PRDM5: variants seen among roughly 807,000 people sequenced by gnomAD.
The protein encoded by PRDM5 is PR domain zinc finger protein 5.
In PRDM5, 56 loss-of-function variants were observed where a neutral mutation model predicts 81.2. The ratio of observed to expected loss-of-function variants is 0.69; its 90% CI spans 0.56 to 0.86. The LOEUF (loss-of-function observed/expected upper bound fraction) is 0.86. PRDM5 is among the 40% of genes least tolerant of loss of function. The pLI, the probability that PRDM5 is intolerant of heterozygous loss-of-function variation, is 0.00. For missense variants in PRDM5, 697 were observed against 770.1 expected (o/e 0.91, Z 1.12); for synonymous variants, 267 against 256.4 (o/e 1.04, Z -0.39).
rs76799793 is a variant in PRDM5, at chr4:120,873,012, A to T, written c.178-19472T>A. ...GTGTTTTTACCATATTTTTTATTTTATTTTTTTGAGACAGAGTCTTACTCC... is the reference window on the plus strand; with the variant it reads ...GTGTTTTTACCATATTTTTTATTTTTTTTTTTTGAGACAGAGTCTTACTCC... On this transcript the variant is annotated intron_variant, in intron 2 of 15. Transcript: ENST00000264808. 5.1e-4 allele frequency among the ~76,000 whole-genome samples: 38 copies of T among 73,830 alleles called. No individual in the cohort carries two copies. In the East Asian group the frequency reaches 6.4e-3, roughly 12 times the overall value. The allele number at this position is 73,830 out of a possible 152,430, so 48.4% of individuals were successfully genotyped here.
Position 120,695,160 on chromosome 4 carries a change from T to A in PRDM5, c.1844A>T (p.Asp615Val), listed in dbSNP as rs960171755. The stretch of plus-strand genomic sequence containing the variant: ...ATTGTCCATGTGCACTTTGAGGTAG[T>A]CATTCCTTGTAAACTTCTTATGGCA... ...QFCHKKFTRN[D>V]YLKVHMDNIH... Residue 615 changes from aspartate (D) to valine (V), a missense_variant, in exon 16 of 16, where the codon GAC (aspartate) becomes GTC (valine). Physicochemically the swap from Asp to Val is radical, Grantham distance 152. This residue lies in a region of PRDM5 where 34 missense variants were observed against 28.1 expected (regional missense o/e 1.21). Transcript: ENST00000264808. 6.2e-7 allele frequency: 1 copy of A among 1,613,540 alleles called. No homozygotes were observed. The highest frequency in any genetic ancestry group is 1.3e-5 in the African/African-American group (1 of 75,000).
At chr4:120,904,929 A>G (rs187939050) in intron 2 of PRDM5, among the ~76,000 whole-genome samples, 2 of 152,220 alleles carry the variant, frequency 1.3e-5, no homozygotes, top group South Asian at 2.1e-4. Context: ...AAAAGAAAAA[A>G]CCTGTTAAAA....
intron 1 of PRDM5, among the ~76,000 whole-genome samples, chr4:120,919,843 A>T (rs1172613894): frequency 1.3e-5 from 2 of 152,152 alleles, no homozygotes; most frequent in African/African-American, 2.4e-5. Flanking sequence ...ATTATTAGCA[A>T]ATCACAATGT....
At chr4:120,819,998 A>G (rs1367024356) in intron 4 of PRDM5, among the ~76,000 whole-genome samples, 1 of 152,246 alleles carries the variant, frequency 6.6e-6, no homozygotes, top group Non-Finnish European at 1.5e-5. Context: ...GACTAATGAA[A>G]CCAGTATCAC....
chr4:120,826,347 C>T (rs1755977249), intron 3 of PRDM5, among the ~76,000 whole-genome samples: 1 of 152,146 alleles, frequency 6.6e-6, no homozygotes, highest in Non-Finnish European at 1.5e-5. Context: ...TTTCATCCTC[C>T]TTCAAGAAAC....
At chr4:120,886,770 T>G (rs1398264001) in intron 2 of PRDM5, among the ~76,000 whole-genome samples, 1 of 152,114 alleles carries the variant, frequency 6.6e-6, no homozygotes, top group African/African-American at 2.4e-5. Flanking sequence ...GTAAAGATAA[T>G]AATAAGGTAA....
chr4:120,696,978 C>T (rs528051523), intron 15 of PRDM5, among the ~76,000 whole-genome samples: 1 of 152,164 alleles, frequency 6.6e-6, no homozygotes, highest in East Asian at 1.9e-4. Context: ...CAAAACAAAG[C>T]CAAGTCCATG....
At chr4:120,857,939 C>T (rs891765480) in intron 2 of PRDM5, among the ~76,000 whole-genome samples, 6 of 152,070 alleles carry the variant, frequency 3.9e-5, no homozygotes, top group Non-Finnish European at 8.8e-5. Context: ...ATATACATTC[C>T]ATCAAGGCTC....
chr4:120,780,988 G>A (rs999625712), intron 12 of PRDM5, among the ~76,000 whole-genome samples, 155 bp downstream of exon 12: 1 of 152,106 alleles, frequency 6.6e-6, no homozygotes, highest in African/African-American at 2.4e-5. Flanking sequence ...TGAAGAAAGT[G>A]AACATTGTCT....
At chr4:120,786,652 G>A (rs957770916) in intron 10 of PRDM5, among the ~76,000 whole-genome samples, 4 of 152,068 alleles carry the variant, frequency 2.6e-5, no homozygotes, top group Non-Finnish European at 4.4e-5. Context: ...AAGAAAATCC[G>A]AGTAAATTTT....
chr4:120,789,297 T>G (rs931907082), intron 10 of PRDM5, among the ~76,000 whole-genome samples: 2 of 152,194 alleles, frequency 1.3e-5, no homozygotes, highest in African/African-American at 4.8e-5. Context: ...TCTGGCGTAA[T>G]GTACATTAAT....
At chr4:120,886,777 G>A (rs1763480310) in intron 2 of PRDM5, among the ~76,000 whole-genome samples, 1 of 151,990 alleles carries the variant, frequency 6.6e-6, no homozygotes, top group Non-Finnish European at 1.5e-5. Flanking sequence ...TAATAATAAG[G>A]TAATAAAAAG....
intron 10 of PRDM5, among the ~76,000 whole-genome samples, chr4:120,788,970 G>T (rs1374992101): frequency 3.3e-5 from 5 of 152,186 alleles, no homozygotes; most frequent in African/African-American, 4.8e-5. Flanking sequence ...TATTTTACAA[G>T]TATCAGATGA....
At chr4:120,859,811 A>G (rs1443381482) in intron 2 of PRDM5, among the ~76,000 whole-genome samples, 1 of 152,146 alleles carries the variant, frequency 6.6e-6, no homozygotes. Context: ...TGAAGGCAAG[A>G]ATCCCTCCCT....
intron 14 of PRDM5, among the ~76,000 whole-genome samples, chr4:120,728,666 C>G (rs566045200): frequency 6.6e-6 from 1 of 152,054 alleles, no homozygotes; most frequent in Admixed American, 6.6e-5. Context: ...CAACATCTAC[C>G]CCGCCCCCTG....
In PRDM5 at chr4:120,738,320, A is replaced by G. The variant is rs190613287; in HGVS notation, c.1623+16233T>C. 7.3e-4 allele frequency among the ~76,000 whole-genome samples: 111 copies of G among 152,346 alleles called. 1 individual carries two copies. Among genetic ancestry groups the G allele is most frequent in the African/African-American group, 2.2e-3 (93 of 41,580 alleles). On this transcript the variant is annotated intron_variant, in intron 14 of 15. Coordinates refer to ENST00000264808, the MANE Select transcript of PRDM5 (RefSeq NM_018699.4). The stretch of plus-strand genomic sequence containing the variant: ...CTACCGTTGTCATTCAATGTTCTAT[A>G]AAGTACTAAGGAGAAAATCGTATAA...
chr4:120,916,386 CATAAATAAATAAATAA>C (rs5861497), intron 1 of PRDM5, among the ~76,000 whole-genome samples: 97 of 147,064 alleles, frequency 6.6e-4, no homozygotes, highest in African/African-American at 1.8e-3. Flanking sequence ...GACTGTATCT[CATAAATAAATAAATAA>C]ATAAATAAAT....
In PRDM5 at chr4:120,694,781, GCCTA is replaced by G; in HGVS notation, c.*326_*329del. 1.0e-5 allele frequency: 3 copies of G among 295,380 alleles called. No individual in the cohort carries two copies. The highest frequency in any genetic ancestry group is 7.8e-5 in the South Asian group (2 of 25,718). 18.3% of individuals were successfully genotyped at this position (295,380 alleles called of 1,614,324 possible). On this transcript the variant is annotated 3_prime_UTR_variant, in exon 16 of 16. Coordinates refer to ENST00000264808, the MANE Select transcript of PRDM5 (RefSeq NM_018699.4). ...CAAAGAATAACAATAAAATAAAAAG[GCCTA>G]TTAGGGAAGTATATTATAAACTTCA... is the stretch of plus-strand genomic sequence containing the variant.
At chr4:120,779,886 G>A (rs566752446) in intron 12 of PRDM5, among the ~76,000 whole-genome samples, 5 of 151,564 alleles carry the variant, frequency 3.3e-5, no homozygotes, top group African/African-American at 1.2e-4. Context: ...CTCCAGCCTG[G>A]GTGACAGAGT....
Sources: allele counts gnomAD v4.1 joint callset (sites outside exome capture counted in the v4.1 genomes callset), GRCh38; gene constraint gnomAD v4.1.1; regional missense constraint gnomAD v4.1.1; transcripts MANE v1.5; gene names NCBI Gene and HGNC (gene_info 2026-07-23, HGNC 2026-07-21).